LPIN1: variants seen among roughly 807,000 people sequenced by gnomAD.
LPIN1 encodes the protein lipin 1.
A neutral mutation model predicts 107.5 loss-of-function variants in LPIN1; 71 were observed. The observed-to-expected ratio is 0.66, with a 90% CI of 0.55 to 0.80. LPIN1 has a LOEUF of 0.80. Ranked by LOEUF, LPIN1 falls within the 30% of genes least tolerant of loss-of-function variation. The pLI is 0.00. For missense variants in LPIN1, 1,043 were observed against 1,160.6 expected (o/e 0.90, Z 1.47); for synonymous variants, 445 against 452.6 (o/e 0.98, Z 0.21).
chr2:11,751,053 T>C (rs1179199845), intron 1 of LPIN1, among the ~76,000 whole-genome samples: 1 of 152,210 alleles, frequency 6.6e-6, no homozygotes, highest in African/African-American at 2.4e-5. Context: ...AGTCAAAGCC[T>C]TGGGCTGTTT....
In LPIN1 at chr2:11,819,567, C is replaced by A; in HGVS notation, c.2486C>A (p.Pro829His). The change falls in exon 19 of 21, where the codon CCC becomes CAC. Residue 829 changes from proline (P) to histidine (H), a missense_variant. Pro to His is a moderately conservative substitution (Grantham distance 77, BLOSUM62 -2). Transcript: ENST00000674199. ...AACCTGTTTTTCCCCAACACAGAACCCTTTTATGCTGCTTTTGGAAACCGA... is the reference window on the plus strand; with the variant it reads ...AACCTGTTTTTCCCCAACACAGAACACTTTTATGCTGCTTTTGGAAACCGA... ...IKNLFFPNTEPFYAAFGNRPA... is the reference protein window; with the variant it reads ...IKNLFFPNTEHFYAAFGNRPA... The A allele has an allele frequency of 1.2e-6, 2 of 1,614,010 alleles. No individual in the cohort carries two copies. Among genetic ancestry groups the A allele is most frequent in the Non-Finnish European group, 1.7e-6 (2 of 1,179,886 alleles).
chr2:11,679,683 C>T (rs1380609816), intron 1 of LPIN1, among the ~76,000 whole-genome samples: 3 of 152,236 alleles, frequency 2.0e-5, no homozygotes, highest in African/African-American at 7.2e-5. Flanking sequence ...TCAGCAGGCC[C>T]CTTGGCTGAT....
rs1305042579 is a variant in LPIN1, at chr2:11,791,914, G to T, written c.1714G>T (p.Ala572Ser). The change falls in exon 13 of 21, where the codon GCC (alanine) becomes TCC (serine). Residue 572 changes from alanine (A) to serine (S), a missense_variant and splice_region_variant. By Grantham distance (99) the Ala-to-Ser change is moderately conservative (BLOSUM62 1). Coordinates refer to ENST00000674199, the MANE Select transcript of LPIN1 (RefSeq NM_001349206.2). ...TTATGTTACCATCCATTTAAAACAG[G>T]CCACTGTGGAATCTATCATGAGGGA... is the stretch of plus-strand genomic sequence containing the variant. ...MQAFQKPLPK[A>S]TVESIMRDKM... The T allele has an allele frequency of 6.2e-7, 1 of 1,613,320 alleles. No individual in the cohort carries two copies. Among genetic ancestry groups the T allele is most frequent in the African/African-American group, 1.3e-5 (1 of 74,832 alleles).
intron 2 of LPIN1, among the ~76,000 whole-genome samples, chr2:11,718,760 GA>G (rs1572389214): frequency 6.6e-6 from 1 of 152,134 alleles, no homozygotes; most frequent in African/African-American, 2.4e-5. Flanking sequence ...TTTGTGTTCT[GA>G]AACTTCACAC....
intron 2 of LPIN1, among the ~76,000 whole-genome samples, chr2:11,766,159 A>G (rs1572682965): frequency 6.6e-6 from 1 of 152,190 alleles, no homozygotes; most frequent in East Asian, 1.9e-4. Flanking sequence ...CCACGTGGCC[A>G]GGGCACCCCA....
intron 2 of LPIN1, among the ~76,000 whole-genome samples, chr2:11,716,691 A>G (rs1216156398): frequency 6.6e-6 from 1 of 152,110 alleles, no homozygotes; most frequent in Non-Finnish European, 1.5e-5. Context: ...CATGGACTGG[A>G]GACATGTTTG....
chr2:11,700,132 G>T (rs1662795295), intron 1 of LPIN1, among the ~76,000 whole-genome samples: 1 of 152,130 alleles, frequency 6.6e-6, no homozygotes, highest in Non-Finnish European at 1.5e-5. Context: ...GAGCCCAATG[G>T]CCTCTGATAG....
intron 12 of LPIN1, among the ~76,000 whole-genome samples, chr2:11,791,206 T>A (rs1675664161): frequency 6.6e-6 from 1 of 152,212 alleles, no homozygotes; most frequent in Non-Finnish European, 1.5e-5. Context: ...ATCTTTCTTT[T>A]GTTACTAGCT....
intron 1 of LPIN1, among the ~76,000 whole-genome samples, chr2:11,677,923 G>C (rs1661515318): frequency 6.6e-6 from 1 of 152,262 alleles, no homozygotes; most frequent in Non-Finnish European, 1.5e-5. Context: ...TATTCAGAAG[G>C]CTGCATTTAT....
chr2:11,729,071 G>A (rs1664940085), intron 1 of LPIN1, among the ~76,000 whole-genome samples: 1 of 152,140 alleles, frequency 6.6e-6, no homozygotes, highest in African/African-American at 2.4e-5. Context: ...TGAAGTCTTT[G>A]CCTATGCCTA....
chr2:11,805,537 C>T (rs759494174), intron 17 of LPIN1: 1 of 333,576 alleles, frequency 3.0e-6, no homozygotes, highest in Non-Finnish European at 5.8e-6. Context: ...TAAAAAGTTG[C>T]AGATTCCAGG....
intron 1 of LPIN1, among the ~76,000 whole-genome samples, chr2:11,709,780 T>C (rs1417922916): frequency 2.0e-5 from 3 of 152,246 alleles, no homozygotes; most frequent in African/African-American, 7.2e-5. Flanking sequence ...GAAACATTAC[T>C]CTCTGAATTC....
chr2:11,824,768 G>A lies in LPIN1; in HGVS notation c.2758G>A (p.Asp920Asn), dbSNP rs1682154042. The change falls in exon 21 of 21, where the codon GAC becomes AAC. Residue 920 changes from aspartate to asparagine, a missense_variant. Physicochemically the swap from Asp to Asn is conservative, Grantham distance 23. Transcript: ENST00000674199. ...REPLPPFENQ[D>N]IHSASA ...GCCACTGCCACCTTTTGAAAACCAG[G>A]ACATTCATTCTGCCTCAGCGTAAAA... The A allele has an allele frequency of 6.2e-7, 1 of 1,614,150 alleles. No homozygotes were observed. Among genetic ancestry groups the A allele is most frequent in the East Asian group, 2.2e-5 (1 of 44,880 alleles).
At position 11,779,898 on chromosome 2, in the gene LPIN1, TGA is replaced by T. The variant is rs141990638; in HGVS notation, c.957+256_957+257del. 0.093 allele frequency among the ~76,000 whole-genome samples: 14,086 copies of T among 151,658 alleles called. 868 individuals carry two copies. Among genetic ancestry groups the T allele is most frequent in the Middle Eastern group, 0.17 (50 of 292 alleles). ...AGGATTTACTTTTTTTTTTTTTTCT[TGA>T]GACAGAGTCTCACTCTGTCACCCGG... On this transcript the variant is annotated intron_variant, in intron 7 of 20. Transcript: ENST00000674199.
intron 2 of LPIN1, chr2:11,713,873 T>C (rs1460548057): frequency 8.5e-7 from 1 of 1,182,440 alleles, no homozygotes; most frequent in East Asian, 2.5e-5. Context: ...TTAGAGAAAA[T>C]ACTCCATGTC....
intron 1 of LPIN1, among the ~76,000 whole-genome samples, chr2:11,695,405 A>C (rs983514746): frequency 1.3e-5 from 2 of 152,078 alleles, no homozygotes; most frequent in Non-Finnish European, 2.9e-5. Context: ...TGGCCATTTG[A>C]TTTTGGAGGA....
intron 14 of LPIN1, among the ~76,000 whole-genome samples, chr2:11,798,477 G>T (rs1426041192): frequency 6.6e-6 from 1 of 152,164 alleles, no homozygotes; most frequent in Non-Finnish European, 1.5e-5. Flanking sequence ...CTCTTCCCAC[G>T]TTGGAACCTC....
intron 8 of LPIN1, 100 bp downstream of exon 8, chr2:11,782,607 A>G: frequency 1.5e-6 from 2 of 1,316,518 alleles, no homozygotes; most frequent in South Asian, 2.5e-5. Context: ...ACTGAGGTAG[A>G]AACTGAACCG....
chr2:11,804,605 T>G, intron 16 of LPIN1, 34 bp downstream of exon 16: 1 of 1,604,242 alleles, frequency 6.2e-7, no homozygotes, highest in Non-Finnish European at 8.5e-7. Flanking sequence ...CATGGTAGAT[T>G]TCTTTGCTTC....
Sources: allele counts gnomAD v4.1 joint callset (sites outside exome capture counted in the v4.1 genomes callset), GRCh38; gene constraint gnomAD v4.1.1; transcripts MANE v1.5; gene names NCBI Gene and HGNC (gene_info 2026-07-23, HGNC 2026-07-21).